Variants in XPO1 observed in about 807,000 individuals in gnomAD.
XPO1 encodes the protein exportin-1.
Under a neutral mutation model 133.3 loss-of-function variants are expected in XPO1, and 5 were observed. That is an observed-to-expected ratio of 0.04 (90% CI 0.02 to 0.08). XPO1 has a LOEUF of 0.08. Among genes scored for constraint, XPO1 ranks in the 10% least tolerant of loss-of-function variants. XPO1 has a pLI of 1.00. For synonymous variants in XPO1, 419 were observed against 408.2 expected (o/e 1.03, Z -0.32); for missense variants, 506 against 1,267.5 (o/e 0.40, Z 9.12).
At chr2:61,534,064 A>T (rs1002248972) in intron 1 of XPO1, 161 bp from the exon 2 acceptor site, 8 of 651,392 alleles carry the variant, frequency 1.2e-5, no homozygotes, top group African/African-American at 1.9e-5. Flanking sequence ...CAAGTAACAA[A>T]AGCTGAAATT....
intron 4 of XPO1, among the ~76,000 whole-genome samples, chr2:61,510,077 T>C (rs1698013346): frequency 6.6e-6 from 1 of 151,962 alleles, no homozygotes; most frequent in African/African-American, 2.4e-5. Flanking sequence ...GCCAGGAGTT[T>C]GAGACCAGCC....
chr2:61,515,236 T>C (rs1324631541), intron 4 of XPO1, among the ~76,000 whole-genome samples: 1 of 152,058 alleles, frequency 6.6e-6, no homozygotes, highest in African/African-American at 2.4e-5. Context: ...ATAAAACTTA[T>C]CCAACTGTAC....
intron 12 of XPO1, chr2:61,493,531 G>C (rs1355403627): frequency 4.8e-6 from 1 of 206,598 alleles, no homozygotes; most frequent in East Asian, 1.3e-4. Context: ...TTTTTTCACT[G>C]TAATTCTACA....
chr2:61,499,676 A>G (rs1411287209), intron 7 of XPO1, 37 bp downstream of exon 7: 3 of 1,524,846 alleles, frequency 2.0e-6, no homozygotes, highest in Non-Finnish European at 2.6e-6. Flanking sequence ...TTGTTTGAGA[A>G]ATCACTTTAA....
chr2:61,509,626 C>CA (rs1035000369), intron 4 of XPO1, among the ~76,000 whole-genome samples: 71 of 149,438 alleles, frequency 4.8e-4, no homozygotes, highest in Non-Finnish European at 6.8e-4. Context: ...AACTCTGTCT[C>CA]AAAAAAAAGG....
chr2:61,507,105 G>C (rs970707235), intron 4 of XPO1, among the ~76,000 whole-genome samples: 2 of 151,856 alleles, frequency 1.3e-5, no homozygotes, highest in African/African-American at 4.8e-5. Flanking sequence ...ATTTAGCTGG[G>C]CGTGGTGGCA....
intron 23 of XPO1, among the ~76,000 whole-genome samples, chr2:61,482,034 C>CTTTTTTTTTTTTTTT (rs1195049382): frequency 1.3e-4 from 9 of 71,366 alleles, no homozygotes; most frequent in Non-Finnish European, 1.3e-4. Flanking sequence ...CGTGCGTGGC[C>CTTTTTTTTTTTTTTT]TTTTTTTTTT....
chr2:61,505,072 G>GCCAT (rs540814498), intron 4 of XPO1, among the ~76,000 whole-genome samples: 2 of 152,200 alleles, frequency 1.3e-5, no homozygotes, highest in Non-Finnish European at 1.5e-5. Context: ...ATGCAGTGGT[G>GCCAT]CCATCACAGC....
At chr2:61,486,053 C>A in intron 19 of XPO1, 91 bp from the exon 20 acceptor site, 1 of 1,190,418 alleles carries the variant, frequency 8.4e-7, no homozygotes, top group Non-Finnish European at 1.2e-6. Flanking sequence ...TGAGATGTAG[C>A]ATGATCATCT....
chr2:61,484,302 C>T (rs1361652432), intron 20 of XPO1, 197 bp from the exon 21 acceptor site: 1 of 506,274 alleles, frequency 2.0e-6, no homozygotes, highest in Non-Finnish European at 3.5e-6. Flanking sequence ...CCGTTACGCA[C>T]ATGAGTTATC....
chr2:61,487,605 C>A (rs1696760076), intron 19 of XPO1, among the ~76,000 whole-genome samples: 1 of 151,598 alleles, frequency 6.6e-6, no homozygotes, highest in African/African-American at 2.4e-5. Context: ...TTGGACTCTC[C>A]CAAGGCTCAA....
At chr2:61,495,375 T>C in intron 11 of XPO1, 80 bp downstream of exon 11, 6 of 1,127,654 alleles carry the variant, frequency 5.3e-6, no homozygotes, top group Middle Eastern at 2.8e-4. Flanking sequence ...AAAAGGTACA[T>C]ACATTTTAGA....
intron 4 of XPO1, among the ~76,000 whole-genome samples, chr2:61,514,676 T>A (rs7563678): frequency 6.6e-6 from 1 of 151,406 alleles, no homozygotes; most frequent in Non-Finnish European, 1.5e-5. Context: ...ACTAAAAACA[T>A]TGTCTATACC....
intron 2 of XPO1, among the ~76,000 whole-genome samples, chr2:61,528,652 CAAAA>C (rs34466565): frequency 8.5e-6 from 1 of 117,088 alleles, no homozygotes; most frequent in Non-Finnish European, 1.8e-5. Context: ...GACTCCCTCT[CAAAA>C]AAAAAAAAAA....
intron 2 of XPO1, among the ~76,000 whole-genome samples, chr2:61,528,147 G>C (rs1462289294): frequency 6.6e-6 from 1 of 151,774 alleles, no homozygotes; most frequent in African/African-American, 2.4e-5. Flanking sequence ...GGCTGGTCTT[G>C]AACTCCTGAC....
rs1491506588 is a variant in XPO1 at position 61,482,033 on chromosome 2, C to CTTTTTTTTTTTTTTTTTTT, written c.2972+346_2972+347insAAAAAAAAAAAAAAAAAAA. 1.9e-3 allele frequency among the ~76,000 whole-genome samples: 165 copies of CTTTTTTTTTTTTTTTTTTT among 86,820 alleles called. 42 individuals carry two copies. Among genetic ancestry groups the CTTTTTTTTTTTTTTTTTTT allele is most frequent in the Non-Finnish European group, 2.8e-3 (112 of 40,028 alleles). The allele number at this position is 86,820 out of a possible 152,430, so 57.0% of individuals were successfully genotyped here. A position where few individuals can be genotyped will look rare whatever the true frequency, so the allele number is the denominator to read the frequency against. ...TACAGTCATGAGCCACCGTGCGTGG[C>CTTTTTTTTTTTTTTTTTTT]CTTTTTTTTTTTTTTTTTTTTTTTG... is the stretch of plus-strand genomic sequence containing the variant. On this transcript the variant is annotated intron_variant, in intron 23 of 24. Transcript: ENST00000401558.
At chr2:61,511,639 T>C (rs1437311183) in intron 4 of XPO1, among the ~76,000 whole-genome samples, 1 of 152,246 alleles carries the variant, frequency 6.6e-6, no homozygotes, top group East Asian at 1.9e-4. Context: ...CTCAAATTTC[T>C]GGGCTCAAGA....
chr2:61,502,084 A>C, intron 5 of XPO1, 44 bp from the exon 6 acceptor site: 5 of 1,558,860 alleles, frequency 3.2e-6, no homozygotes, highest in Non-Finnish European at 4.4e-6. Flanking sequence ...AGGTAAGTAT[A>C]AATAAGAATA....
chr2:61,504,346 T>C (rs1266041971), intron 4 of XPO1, among the ~76,000 whole-genome samples: 1 of 152,210 alleles, frequency 6.6e-6, no homozygotes, highest in Non-Finnish European at 1.5e-5. Flanking sequence ...TGTTGCAGAA[T>C]GTTAAATTCT....
Sources: gnomAD v4.1 joint callset for allele counts (sites outside exome capture counted in the v4.1 genomes callset) on GRCh38, gnomAD v4.1.1 for gene constraint, MANE v1.5 for transcripts, NCBI Gene and HGNC (gene_info 2026-07-23, HGNC 2026-07-21) for gene names.